Variants in ADCY5 observed in about 807,000 individuals in gnomAD.
The protein encoded by ADCY5 is adenylate cyclase 5.
ADCY5 carries 30 observed loss-of-function variants against 119.7 expected under a neutral mutation model. The observed-to-expected ratio is 0.25, with a 90% confidence interval of 0.19 to 0.34. ADCY5 has a LOEUF of 0.34. Ranked by LOEUF, ADCY5 falls within the 10% of genes least tolerant of loss-of-function variation. The pLI is 1.00. For synonymous variants in ADCY5, 753 were observed against 762.2 expected (o/e 0.99, Z 0.20); for missense variants, 1,324 against 1,775.2 (o/e 0.75, Z 4.57).
chr3:123,383,786 C>A (rs1944115335), intron 1 of ADCY5, among the ~76,000 whole-genome samples: 1 of 152,084 alleles, frequency 6.6e-6, no homozygotes, highest in Non-Finnish European at 1.5e-5. Context: ...GGCAGGCACA[C>A]ACACACACAT....
chr3:123,355,731 A>C (rs1468335324), intron 1 of ADCY5, among the ~76,000 whole-genome samples: 1 of 152,206 alleles, frequency 6.6e-6, no homozygotes, highest in Non-Finnish European at 1.5e-5. Context: ...GAAATTTTAA[A>C]AGACTTTAAT....
chr3:123,309,332 A>G (rs1940415081), intron 12 of ADCY5, among the ~76,000 whole-genome samples: 2 of 152,262 alleles, frequency 1.3e-5, no homozygotes. Context: ...AGAAAACCAC[A>G]GAGGTCAAAC....
At chr3:123,379,059 T>C (rs1281463752) in intron 1 of ADCY5, among the ~76,000 whole-genome samples, 6 of 152,178 alleles carry the variant, frequency 3.9e-5, no homozygotes, top group Non-Finnish European at 7.4e-5. Context: ...TTTCCTACCC[T>C]AGTTTCCACG....
intron 17 of ADCY5, 125 bp from the exon 18 acceptor site, chr3:123,291,501 G>A (rs1939146786): frequency 5.7e-6 from 7 of 1,235,600 alleles, no homozygotes; most frequent in Non-Finnish European, 7.9e-6. Flanking sequence ...TTGTGCCCAG[G>A]ATGTTGGCAA....
chr3:123,424,716 C>T (rs1462151904), intron 1 of ADCY5, among the ~76,000 whole-genome samples: 1 of 152,174 alleles, frequency 6.6e-6, no homozygotes, highest in Non-Finnish European at 1.5e-5. Flanking sequence ...CTGGCCAGTA[C>T]ACACTGGCTT....
At chr3:123,400,589 T>C (rs1427766380) in intron 1 of ADCY5, among the ~76,000 whole-genome samples, 1 of 152,202 alleles carries the variant, frequency 6.6e-6, no homozygotes, top group East Asian at 1.9e-4. Flanking sequence ...TATGCAGTTA[T>C]TTAAAATAAT....
chr3:123,336,313 C>T (rs1271908854), intron 3 of ADCY5, among the ~76,000 whole-genome samples: 1 of 152,232 alleles, frequency 6.6e-6, no homozygotes, highest in African/African-American at 2.4e-5. Flanking sequence ...CATAGTTGTT[C>T]TGGAAATTCT....
chr3:123,290,735 T>C (rs901293105), intron 18 of ADCY5, among the ~76,000 whole-genome samples: 1 of 152,090 alleles, frequency 6.6e-6, no homozygotes, highest in East Asian at 1.9e-4. Context: ...TCCCAGGCCC[T>C]GGGACCCCAT....
At chr3:123,438,356 G>A (rs1261130440) in intron 1 of ADCY5, among the ~76,000 whole-genome samples, 1 of 152,180 alleles carries the variant, frequency 6.6e-6, no homozygotes, top group Non-Finnish European at 1.5e-5. Context: ...CACACACCAT[G>A]TGTGTGTAAA....
At chr3:123,374,627 G>C (rs1163192339) in intron 1 of ADCY5, among the ~76,000 whole-genome samples, 3 of 152,210 alleles carry the variant, frequency 2.0e-5, no homozygotes, top group African/African-American at 7.2e-5. Context: ...GAAACCCATG[G>C]TCTTAATCAC....
Position 123,296,979 on chromosome 3 carries a change from C to A in ADCY5, c.2930+374G>T. On this transcript the variant is annotated intron_variant, in intron 16 of 20. Transcript: ENST00000462833. ...GGTCCCACAAGCACTGCAGCCCTCG[C>A]CTTTGTTCCTTGACTCCAGAGGGAA... 3.3e-6 allele frequency: 5 copies of A among 1,535,926 alleles called. No homozygotes were observed. The South Asian group carries it at 4.8e-5, about 15-fold the overall frequency.
chr3:123,284,245 T>G lies in ADCY5; in HGVS notation c.*363A>C. The G allele has an allele frequency of 5.0e-6, 1 of 199,094 alleles. No homozygotes were observed. Among genetic ancestry groups the G allele is most frequent in the Non-Finnish European group, 1.0e-5 (1 of 97,226 alleles). 12.3% of individuals were successfully genotyped at this position (199,094 alleles called of 1,614,324 possible). A position where few individuals can be genotyped will look rare whatever the true frequency, so the allele number is the denominator to read the frequency against. ...TCGAGCCCGTCTACCCCCAGCTGAG[T>G]CGGAGGCCCCTCAGCCCTGCCCTTG... On this transcript the variant is annotated 3_prime_UTR_variant, in exon 21 of 21. Transcript: ENST00000462833.
At chr3:123,387,578 A>T (rs903046059) in intron 1 of ADCY5, among the ~76,000 whole-genome samples, 5 of 152,232 alleles carry the variant, frequency 3.3e-5, no homozygotes, top group African/African-American at 7.2e-5. Flanking sequence ...CTCATCTCTT[A>T]CCTAGGAGGA....
In ADCY5 at chr3:123,447,811, G is replaced by A. The variant is rs752464744; in HGVS notation, c.735C>T (p.Leu245=). ...FRLNQSSLTM[L]MAVLVLVCLV... is the part of the protein sequence containing the mutation. ...GGCACACGAGCACCAGCACGGCCAT[G>A]AGCATGGTGAGGCTGCTCTGGTTCA... is the stretch of plus-strand genomic sequence containing the variant. Residue 245 remains leucine, a synonymous_variant, in exon 1 of 21, where the codon CTC becomes CTT. Coordinates refer to ENST00000462833, the MANE Select transcript of ADCY5 (RefSeq NM_183357.3). The A allele has an allele frequency of 2.5e-6, 4 of 1,612,662 alleles. No homozygotes were observed. The highest frequency in any genetic ancestry group is 2.7e-5 in the African/African-American group (2 of 74,932).
chr3:123,392,819 G>A (rs1944434510), intron 1 of ADCY5, among the ~76,000 whole-genome samples: 1 of 149,116 alleles, frequency 6.7e-6, no homozygotes, highest in South Asian at 2.2e-4. Flanking sequence ...GACTCTAATG[G>A]TGCCCCTTAT....
intron 5 of ADCY5, 74 bp from the exon 6 acceptor site, chr3:123,328,876 T>C: frequency 6.7e-7 from 1 of 1,481,506 alleles, no homozygotes; most frequent in Non-Finnish European, 9.2e-7. Context: ...AGGCTGCAGG[T>C]GCAGGGAAGG....
intron 1 of ADCY5, among the ~76,000 whole-genome samples, chr3:123,400,631 C>A (rs535818260): frequency 6.6e-6 from 1 of 152,188 alleles, no homozygotes; most frequent in East Asian, 1.9e-4. Context: ...CATTTGGCCA[C>A]GTGAAAGAGG....
rs1162353925 is a variant in ADCY5, at chr3:123,284,625, C to T, written c.3769G>A (p.Gly1257Arg). ...AACAGCTGCTAACTGAGCGGGGGCC[C>T]TCCATTGAGGAAGTAGGTCATCATC... is the stretch of plus-strand genomic sequence containing the variant. ...GEMMTYFLNG[G>R]PPLS The change falls in exon 21 of 21, where the codon GGG (glycine) becomes AGG (arginine). Residue 1257 changes from glycine (G) to arginine (R), a missense_variant. Gly to Arg is a moderately radical substitution (Grantham distance 125). Transcript: ENST00000462833. 1.2e-6 allele frequency: 2 copies of T among 1,614,260 alleles called. No individual in the cohort carries two copies. Among genetic ancestry groups the T allele is most frequent in the Admixed American group, 1.7e-5 (1 of 60,036 alleles).
At chr3:123,329,397 G>A (rs1043735869) in intron 5 of ADCY5, among the ~76,000 whole-genome samples, 3 of 152,092 alleles carry the variant, frequency 2.0e-5, no homozygotes, top group Admixed American at 6.5e-5. Context: ...GCTTGGTCCC[G>A]GCCACATGCA....
Sources: allele counts gnomAD v4.1 joint callset (sites outside exome capture counted in the v4.1 genomes callset), GRCh38; gene constraint gnomAD v4.1.1; transcripts MANE v1.5; gene names NCBI Gene and HGNC (gene_info 2026-07-23, HGNC 2026-07-21).